AQP1: variants seen among roughly 807,000 people sequenced by gnomAD.
AQP1 encodes aquaporin-1.
AQP1 carries 11 observed loss-of-function variants against 19.7 expected under a neutral mutation model. That is an observed-to-expected ratio of 0.56 (90% confidence interval 0.35 to 0.92). AQP1 has a LOEUF of 0.92. Among genes scored for constraint, AQP1 ranks in the 40% least tolerant of loss-of-function variants. AQP1 has a pLI of 0.01. For missense variants in AQP1, 320 were observed against 369.7 expected, an observed-to-expected ratio of 0.87 and a Z score of 1.10; for synonymous variants, 159 against 166.7, an observed-to-expected ratio of 0.95 and a Z score of 0.36.
In AQP1 at chr7:30,912,250, G is replaced by A. The variant is rs770477413; in HGVS notation, c.341G>A (p.Gly114Asp). The A allele has an allele frequency of 6.2e-7, 1 of 1,606,996 alleles. No individual in the cohort carries two copies. The highest frequency in any genetic ancestry group is 1.1e-5 in the South Asian group (1 of 91,078). Residue 114 changes from glycine to aspartate, a missense_variant, in exon 1 of 4, where the codon GGC becomes GAC. Gly to Asp is a moderately conservative substitution (Grantham distance 94). Coordinates refer to ENST00000311813, the MANE Select transcript of AQP1 (RefSeq NM_198098.4). This position sits in a 1 kb window ranked among gnomAD's most constrained non-coding sequence, Gnocchi z 4.3. Reference protein sequence around the residue: ...GAIVATAILSGITSSLTGNSL... With the variant: ...GAIVATAILSDITSSLTGNSL... ...ATCGTCGCCACCGCCATCCTCTCAG[G>A]CATCACCTCCTCCCTGACTGGGAAC...
In AQP1 at chr7:30,922,111, A is replaced by G; in HGVS notation, c.430A>G (p.Ile144Val). ...GGGCCAGGGCCTGGGCATCGAGATC[A>G]TCGGGACCCTCCAGCTGGTGCTATG... Reference protein sequence around the residue: ...NSGQGLGIEIIGTLQLVLCVL... With the variant: ...NSGQGLGIEIVGTLQLVLCVL... Residue 144 changes from isoleucine (I) to valine (V), a missense_variant, in exon 2 of 4, where the codon ATC becomes GTC. By Grantham distance (29) the Ile-to-Val change is conservative. Transcript: ENST00000311813. 2.5e-6 allele frequency: 4 copies of G among 1,614,078 alleles called. No individual in the cohort carries two copies. In the East Asian group the frequency reaches 6.7e-5, roughly 27 times the overall value.
At chr7:30,914,960 T>C (rs928829680) in intron 1 of AQP1, among the ~76,000 whole-genome samples, 10 of 152,150 alleles carry the variant, frequency 6.6e-5, no homozygotes, top group African/African-American at 2.2e-4. Context: ...CAATTTTGGC[T>C]AAGGGTGAGA....
chr7:30,921,548 A>C (rs942105109), intron 1 of AQP1: 7 of 1,537,562 alleles, frequency 4.6e-6, no homozygotes, highest in Middle Eastern at 3.4e-4. Flanking sequence ...GGAGGGAGCC[A>C]GGACCTCACC....
At chr7:30,917,199 C>A (rs1212546169) in intron 1 of AQP1, among the ~76,000 whole-genome samples, 2 of 152,236 alleles carry the variant, frequency 1.3e-5, no homozygotes, top group Non-Finnish European at 2.9e-5. Flanking sequence ...AGTGTACACA[C>A]ATGGCACAAA....
rs916614938 is a variant in AQP1, at chr7:30,924,415, C to A, written c.*786C>A. 1 of 153,104 alleles carries A rather than the reference C, an allele frequency of 6.5e-6. No homozygotes were observed. Among genetic ancestry groups the A allele is most frequent in the African/African-American group, 2.4e-5 (1 of 41,412 alleles). The allele number at this position is 153,104 out of a possible 1,614,324, so 9.5% of individuals were successfully genotyped here. On this transcript the variant is annotated 3_prime_UTR_variant, in exon 4 of 4. Coordinates refer to ENST00000311813, the MANE Select transcript of AQP1 (RefSeq NM_198098.4). Reference sequence around the variant, plus strand: ...AGCAGACAGGCTACAAAGCAGAGATCGACAGACAGCCAGGTAGTTGGAACT... The same window carrying A: ...AGCAGACAGGCTACAAAGCAGAGATAGACAGACAGCCAGGTAGTTGGAACT...
Position 30,912,216 on chromosome 7 carries a change from G to C in AQP1, c.307G>C (p.Val103Leu), listed in dbSNP as rs762474222. The C allele has an allele frequency of 1.2e-5, 19 of 1,610,744 alleles. No individual in the cohort carries two copies. The African/African-American group carries it at 2.0e-4, about 17-fold the overall frequency. Residue 103 changes from valine (V) to leucine (L), a missense_variant, in exon 1 of 4, where the codon GTG becomes CTG. Val to Leu is a conservative substitution (Grantham distance 32, BLOSUM62 1). Coordinates refer to ENST00000311813, the MANE Select transcript of AQP1 (RefSeq NM_198098.4). The surrounding 1 kb of genome is among the most constrained non-coding windows in gnomAD (Gnocchi z 4.3). ...CCTCATGTACATCATCGCCCAGTGC[G>C]TGGGGGCCATCGTCGCCACCGCCAT... Reference protein sequence around the residue: ...RALMYIIAQCVGAIVATAILS... With the variant: ...RALMYIIAQCLGAIVATAILS...
Position 30,924,275 on chromosome 7 carries a change from A to G in AQP1, c.*646A>G. The G allele has an allele frequency of 3.1e-6, 1 of 327,350 alleles. No homozygotes were observed. Among genetic ancestry groups the G allele is most frequent in the Non-Finnish European group, 5.2e-6 (1 of 193,888 alleles). The allele number at this position is 327,350 out of a possible 1,614,324, so 20.3% of individuals were successfully genotyped here. A position where few individuals can be genotyped will look rare whatever the true frequency, so the allele number is the denominator to read the frequency against. The stretch of plus-strand genomic sequence containing the variant: ...ACAGGCCTGCAGCCCCTAAGTGCAA[A>G]CACAGCATGGGTCCAGAAGACGTGG... On this transcript the variant is annotated 3_prime_UTR_variant, in exon 4 of 4. Coordinates refer to ENST00000311813, the MANE Select transcript of AQP1 (RefSeq NM_198098.4).
rs772337083 is a variant in AQP1 at position 30,922,188 on chromosome 7, C to G, written c.507C>G (p.Pro169=). 11 of 1,611,886 alleles carry G rather than the reference C, an allele frequency of 6.8e-6. No homozygotes were observed. The highest frequency in any genetic ancestry group is 7.6e-6 in the Non-Finnish European group (9 of 1,179,984). Residue 169 remains proline, a synonymous_variant, in exon 2 of 4, where the codon CCC becomes CCG. Transcript: ENST00000311813. ...RRRRDLGGSA[P]LAIGLSVALG... ...GCCGTGACCTTGGTGGCTCAGCCCC[C>G]CTTGCCATCGGCCTCTCTGTAGCCC...
intron 3 of AQP1, 125 bp downstream of exon 3, chr7:30,922,769 A>G: frequency 1.0e-6 from 1 of 1,000,514 alleles, no homozygotes; most frequent in South Asian, 1.4e-5. Context: ...GGAAATCAGG[A>G]AACTGAGGCC....
chr7:30,919,836 A>G (rs558439405), intron 1 of AQP1, among the ~76,000 whole-genome samples: 1 of 152,282 alleles, frequency 6.6e-6, no homozygotes, highest in South Asian at 2.1e-4. Flanking sequence ...TGTATTAGAT[A>G]GTTGAAGGAA....
chr7:30,923,892 A>T lies in AQP1; in HGVS notation c.*263A>T. ...TTGAAGTTGTGGAGGAGGTGAAAGA[A>T]AGGGACCCACCTGCTAGTCGCCCCT... On this transcript the variant is annotated 3_prime_UTR_variant, in exon 4 of 4. Coordinates refer to ENST00000311813, the MANE Select transcript of AQP1 (RefSeq NM_198098.4). This position sits in a 1 kb window ranked among gnomAD's most constrained non-coding sequence, Gnocchi z 4.8. 6.7e-7 allele frequency: 1 copy of T among 1,482,462 alleles called. No individual in the cohort carries two copies. Among genetic ancestry groups the T allele is most frequent in the Non-Finnish European group, 9.0e-7 (1 of 1,107,826 alleles). 91.8% of individuals were successfully genotyped at this position (1,482,462 alleles called of 1,614,324 possible).
rs554403599 is a variant in AQP1 at position 30,919,749 on chromosome 7, C to T, written c.385-2317C>T. Among the ~76,000 whole-genome samples, 16 of 152,282 alleles carry T rather than the reference C, an allele frequency of 1.1e-4. No homozygotes were observed. The South Asian group carries it at 2.9e-3, about 28-fold the overall frequency. Reference sequence around the variant, plus strand: ...AGTATTTTACCTGCTCTTTCCTGGACATTGAGTTTCAACAGGCCTTTGAGT... The same window carrying T: ...AGTATTTTACCTGCTCTTTCCTGGATATTGAGTTTCAACAGGCCTTTGAGT... On this transcript the variant is annotated intron_variant, in intron 1 of 3. Coordinates refer to ENST00000311813, the MANE Select transcript of AQP1 (RefSeq NM_198098.4).
At chr7:30,921,182 C>A in intron 1 of AQP1, 1 of 788,476 alleles carries the variant, frequency 1.3e-6, no homozygotes, top group Non-Finnish European at 1.6e-6. Flanking sequence ...GGCCACAAAG[C>A]ATAGTGGAAG....
At chr7:30,918,623 G>C (rs931308419) in intron 1 of AQP1, among the ~76,000 whole-genome samples, 1 of 152,224 alleles carries the variant, frequency 6.6e-6, no homozygotes, top group African/African-American at 2.4e-5. Context: ...CCTGGCTCTG[G>C]AGCCTGCTCT....
rs1310237961 is a variant in AQP1, at chr7:30,912,138, C to T, written c.229C>T (p.Pro77Ser). ...CCACATCAGCGGCGCCCACCTCAAC[C>T]CGGCTGTCACACTGGGGCTGCTGCT... ...VGHISGAHLN[P>S]AVTLGLLLSC... Residue 77 changes from proline (P) to serine (S), a missense_variant, in exon 1 of 4, where the codon CCG becomes TCG. Pro to Ser is a moderately conservative substitution (Grantham distance 74, BLOSUM62 -1). Transcript: ENST00000311813. The surrounding 1 kb of genome is among the most constrained non-coding windows in gnomAD (Gnocchi z 4.3). The T allele has an allele frequency of 6.2e-7, 1 of 1,613,170 alleles. No individual in the cohort carries two copies. The highest frequency in any genetic ancestry group is 8.5e-7 in the Non-Finnish European group (1 of 1,180,040).
chr7:30,922,491 T>A, intron 2 of AQP1, 73 bp from the exon 3 acceptor site: 1 of 1,462,946 alleles, frequency 6.8e-7, no homozygotes, highest in Non-Finnish European at 9.6e-7. Context: ...CCCTCCAACC[T>A]CTCCCTCCTC....
rs67184369 is a variant in AQP1 at position 30,923,681 on chromosome 7, A to AGGGGG, written c.*55_*56insGGGGG. On this transcript the variant is annotated 3_prime_UTR_variant, in exon 4 of 4. Transcript: ENST00000311813. This position sits in a 1 kb window ranked among gnomAD's most constrained non-coding sequence, Gnocchi z 4.8. The stretch of plus-strand genomic sequence containing the variant: ...AGGGGGCAGGGGCAGGGGCGGGCGG[A>AGGGGG]GGGAGGGGAGGGGTGAAATCCATAC... 5 of 864,160 alleles carry AGGGGG rather than the reference A, an allele frequency of 5.8e-6. No homozygotes were observed. Among genetic ancestry groups the AGGGGG allele is most frequent in the Admixed American group, 2.6e-5 (1 of 39,166 alleles). 53.5% of individuals were successfully genotyped at this position (864,160 alleles called of 1,614,324 possible).
chr7:30,917,738 A>G (rs2128589509), intron 1 of AQP1, among the ~76,000 whole-genome samples: 1 of 152,306 alleles, frequency 6.6e-6, no homozygotes, highest in Middle Eastern at 3.4e-3. Flanking sequence ...TCTCTAATTC[A>G]GGGGTACAGG....
At chr7:30,913,844 GC>G (rs28362698) in intron 1 of AQP1, among the ~76,000 whole-genome samples, 65,518 of 151,948 alleles carry the variant, frequency 0.43, 14,374 homozygotes, top group East Asian at 0.61. Context: ...ATCAAGCTCT[GC>G]CCCCCCAGGC....
Sources: gnomAD v4.1 joint callset for allele counts (sites outside exome capture counted in the v4.1 genomes callset) on GRCh38, gnomAD v4.1.1 for gene constraint, Gnocchi (gnomAD v3.1) non-coding constraint, MANE v1.5 for transcripts, NCBI Gene and HGNC (gene_info 2026-07-23, HGNC 2026-07-21) for gene names.